The following BCKDHB variants were observed in gnomAD, a reference collection of about 807,000 sequenced individuals.
The protein encoded by BCKDHB is branched chain keto acid dehydrogenase E1 subunit beta, also known as 2-oxoisovalerate dehydrogenase subunit beta, mitochondrial.
BCKDHB carries 41 observed loss-of-function variants against 48.5 expected under a neutral mutation model. The observed-to-expected ratio is 0.85, with a 90% CI of 0.66 to 1.10. The LOEUF is 1.10. BCKDHB is among the 50% of genes least tolerant of loss of function. The probability of loss-of-function intolerance (pLI) is 0.00; values close to 1 mark genes in which losing one functional copy is unlikely to be tolerated. For synonymous variants in BCKDHB, 201 were observed against 174.8 expected, an observed-to-expected ratio of 1.15 and a Z score of -1.18; for missense variants, 496 against 494.2, an observed-to-expected ratio of 1.00 and a Z score of -0.03.
intron 3 of BCKDHB, among the ~76,000 whole-genome samples, chr6:80,159,959 GA>G (rs913901471): frequency 1.3e-5 from 2 of 152,154 alleles, no homozygotes; most frequent in African/African-American, 2.4e-5. Context: ...TGCTTTTACA[GA>G]AATCTTTTAC....
chr6:80,335,635 G>C (rs1417557604), intron 9 of BCKDHB, among the ~76,000 whole-genome samples: 1 of 151,996 alleles, frequency 6.6e-6, no homozygotes, highest in Non-Finnish European at 1.5e-5. Flanking sequence ...TTAAATTTTA[G>C]ACTTTGAACT....
intron 6 of BCKDHB, among the ~76,000 whole-genome samples, chr6:80,179,960 T>G (rs974322939): frequency 3.3e-5 from 5 of 152,180 alleles, no homozygotes; most frequent in African/African-American, 1.2e-4. Flanking sequence ...CAGTTCCTGT[T>G]GATCTCTCTG....
intron 3 of BCKDHB, among the ~76,000 whole-genome samples, chr6:80,152,388 A>G (rs1771828097): frequency 6.6e-6 from 1 of 152,168 alleles, no homozygotes; most frequent in South Asian, 2.1e-4. Context: ...TTTCTTTTTT[A>G]AGGACATAGT....
chr6:80,400,260 T>TCAG, the BCKDHB span, among the ~76,000 whole-genome samples: 1 of 151,582 alleles, frequency 6.6e-6, no homozygotes, highest in African/African-American at 2.4e-5. Flanking sequence ...GAGCTTCTAC[T>TCAG]CAGCAAAAGA....
chr6:80,363,088 T>C, the BCKDHB span, among the ~76,000 whole-genome samples: 2 of 152,194 alleles, frequency 1.3e-5, no homozygotes, highest in African/African-American at 4.8e-5. Context: ...CCCACATTTG[T>C]AGGGTGCAAA....
chr6:80,229,883 G>A (rs905936295), intron 8 of BCKDHB, among the ~76,000 whole-genome samples: 5 of 151,706 alleles, frequency 3.3e-5, no homozygotes, highest in African/African-American at 1.2e-4. Flanking sequence ...GAAAGACAGT[G>A]GATACATAAA....
At chr6:80,131,437 G>A (rs1017435482) in intron 3 of BCKDHB, among the ~76,000 whole-genome samples, 5 of 152,100 alleles carry the variant, frequency 3.3e-5, no homozygotes, top group Non-Finnish European at 5.9e-5. Flanking sequence ...ATCCAGTGAA[G>A]TTGTATAATT....
At chr6:80,460,455 C>T in the BCKDHB span, among the ~76,000 whole-genome samples, 20 of 152,134 alleles carry the variant, frequency 1.3e-4, no homozygotes, top group African/African-American at 4.6e-4. Flanking sequence ...CTGGAATACC[C>T]CACCCTAAAC....
intron 9 of BCKDHB, among the ~76,000 whole-genome samples, chr6:80,284,443 G>T (rs886989574): frequency 6.6e-6 from 1 of 150,920 alleles, no homozygotes; most frequent in Non-Finnish European, 1.5e-5. Context: ...CATTTGATTG[G>T]AAAATGTTGG....
At chr6:80,453,466 T>C in the BCKDHB span, among the ~76,000 whole-genome samples, 3 of 152,170 alleles carry the variant, frequency 2.0e-5, no homozygotes, top group Non-Finnish European at 2.9e-5. Context: ...ACCAGACATA[T>C]AGGACCACAA....
chr6:80,353,176 G>A, the BCKDHB span, among the ~76,000 whole-genome samples: 2 of 152,000 alleles, frequency 1.3e-5, no homozygotes, highest in African/African-American at 4.8e-5. Context: ...TTCTGTGTCT[G>A]GCTTGTTTTA....
the BCKDHB span, among the ~76,000 whole-genome samples, chr6:80,454,569 A>G: frequency 6.6e-6 from 1 of 152,202 alleles, no homozygotes; most frequent in Non-Finnish European, 1.5e-5. Flanking sequence ...GTCTTGATAC[A>G]TCTCTTAAAT....
intron 8 of BCKDHB, among the ~76,000 whole-genome samples, chr6:80,266,041 A>C (rs549235869): frequency 6.6e-6 from 1 of 152,100 alleles, no homozygotes; most frequent in African/African-American, 2.4e-5. Context: ...AGAGCCAGGA[A>C]GGGTCTTCTA....
At chr6:80,207,664 G>A (rs1272961282) in intron 8 of BCKDHB, among the ~76,000 whole-genome samples, 1 of 151,656 alleles carries the variant, frequency 6.6e-6, no homozygotes, top group African/African-American at 2.4e-5. Context: ...ACATCAAAAT[G>A]TTGAAAATGA....
At chr6:80,131,199 G>T (rs1056145581) in intron 3 of BCKDHB, among the ~76,000 whole-genome samples, 3 of 152,124 alleles carry the variant, frequency 2.0e-5, no homozygotes, top group South Asian at 2.1e-4. Flanking sequence ...TCAGACTTCC[G>T]TTCTGAGCTT....
chr6:80,299,749 C>T (rs955150815), intron 9 of BCKDHB, among the ~76,000 whole-genome samples: 5 of 152,208 alleles, frequency 3.3e-5, no homozygotes, highest in African/African-American at 7.2e-5. Flanking sequence ...CCTGCTACAA[C>T]GAAAACATAT....
chr6:80,111,856 A>AC (rs1769427784), intron 1 of BCKDHB, among the ~76,000 whole-genome samples: 1 of 152,294 alleles, frequency 6.6e-6, no homozygotes, highest in African/African-American at 2.4e-5. Context: ...TACTTAGTCT[A>AC]CCCGGGGGGC....
chr6:80,345,418 C>G lies in BCKDHB; in HGVS notation c.*1614C>G, dbSNP rs2128022312. 1 of 152,302 alleles carries G rather than the reference C, an allele frequency of 6.6e-6. No homozygotes were observed. 9.4% of individuals were successfully genotyped at this position (152,302 alleles called of 1,614,324 possible). ...TGACTTTTGTGTATGGGTAGTAAAT[C>G]TAGCTCACTGAAAATCAGAGTGAAA... On this transcript the variant is annotated 3_prime_UTR_variant, in exon 10 of 10. Coordinates refer to ENST00000320393, the MANE Select transcript of BCKDHB (RefSeq NM_183050.4).
At chr6:80,161,536 G>C (rs963073556) in intron 3 of BCKDHB, among the ~76,000 whole-genome samples, 6 of 151,882 alleles carry the variant, frequency 4.0e-5, no homozygotes, top group African/African-American at 7.3e-5. Context: ...TCAGTGTGCC[G>C]GGTAAGTAAG....
Sources: allele counts gnomAD v4.1 joint callset (sites outside exome capture counted in the v4.1 genomes callset), GRCh38; gene constraint gnomAD v4.1.1; transcripts MANE v1.5; gene names NCBI Gene and HGNC (gene_info 2026-07-23, HGNC 2026-07-21).